Variants in PPP2R5C observed in about 807,000 individuals in gnomAD.
PPP2R5C encodes the protein protein phosphatase 2 regulatory subunit B'gamma.
A neutral mutation model predicts 68.9 loss-of-function variants in PPP2R5C; 7 were observed. That is an observed-to-expected ratio of 0.10 (90% CI 0.06 to 0.19). PPP2R5C has a LOEUF of 0.19. Among genes scored for constraint, PPP2R5C ranks in the 10% least tolerant of loss-of-function variants. The probability of loss-of-function intolerance (pLI) is 1.00; values close to 1 mark genes in which losing one functional copy is unlikely to be tolerated. For synonymous variants in PPP2R5C, 210 were observed against 222.2 expected (o/e 0.95, Z 0.49); for missense variants, 348 against 641.3 (o/e 0.54, Z 4.94).
At chr14:101,848,813 A>C (rs2041988558) in intron 1 of PPP2R5C, among the ~76,000 whole-genome samples, 1 of 152,158 alleles carries the variant, frequency 6.6e-6, no homozygotes, top group Non-Finnish European at 1.5e-5. Flanking sequence ...TTCCATTTTC[A>C]TTTTTTAGCC....
chr14:101,891,060 C>T lies in PPP2R5C; in HGVS notation c.689+764C>T, dbSNP rs2044864957. On this transcript the variant is annotated intron_variant, in intron 6 of 13. Transcript: ENST00000334743. This position sits in a 1 kb window ranked among gnomAD's most constrained non-coding sequence, Gnocchi z 4.9. The stretch of plus-strand genomic sequence containing the variant: ...GTGCTGAGATTACAGGCATGAGCCA[C>T]CACGCCCGGCCACTTTTATTTAATT... Among the ~76,000 whole-genome samples, 1 of 152,158 alleles carries T rather than the reference C, an allele frequency of 6.6e-6. No homozygotes were observed. The highest frequency in any genetic ancestry group is 2.4e-5 in the African/African-American group (1 of 41,438).
chr14:101,761,687 T>TGCCGCCGCCGCCGCCGCCGCCGCC (rs1172580916), upstream of PPP2R5C: 3 of 219,766 alleles, frequency 1.4e-5, no homozygotes, highest in African/African-American at 8.3e-5. Context: ...ACGCCGCCGC[T>TGCCGCCGCCGCCGCCGCCGCCGCC]GCCGCCGCCG....
intron 2 of PPP2R5C, among the ~76,000 whole-genome samples, chr14:101,768,657 C>T (rs928680750): frequency 6.6e-6 from 1 of 152,062 alleles, no homozygotes; most frequent in Non-Finnish European, 1.5e-5. Context: ...AAAAACTCCC[C>T]ATAATGACGC....
At chr14:101,851,779 A>G (rs907999041) in intron 1 of PPP2R5C, among the ~76,000 whole-genome samples, 25 of 152,042 alleles carry the variant, frequency 1.6e-4, no homozygotes, top group African/African-American at 5.1e-4. Context: ...TCTTTTGACC[A>G]CCAAGACTTT....
Position 101,877,155 on chromosome 14 carries a change from G to C in PPP2R5C, c.295-5006G>C, listed in dbSNP as rs1001622238. ...GTGGAGATGGGGTTTCACCATGTTG[G>C]CTAGGCTGCTCTTGAACTCTTGACC... On this transcript the variant is annotated intron_variant, in intron 2 of 13. Transcript: ENST00000334743. The surrounding 1 kb of genome is among the most constrained non-coding windows in gnomAD (Gnocchi z 4.2). 4.6e-5 allele frequency among the ~76,000 whole-genome samples: 7 copies of C among 151,938 alleles called. No individual in the cohort carries two copies. The highest frequency in any genetic ancestry group is 1.0e-4 in the Non-Finnish European group (7 of 67,978).
chr14:101,774,797 T>C (rs552449922), intron 2 of PPP2R5C, among the ~76,000 whole-genome samples: 1 of 152,338 alleles, frequency 6.6e-6, no homozygotes, highest in South Asian at 2.1e-4. Flanking sequence ...CTTCCTCTCA[T>C]CCAGAAATTG....
exon 14 of PPP2R5C, chr14:101,925,233 C>G (rs2047233774): frequency 6.2e-7 from 1 of 1,613,668 alleles, no homozygotes; most frequent in African/African-American, 1.3e-5. Flanking sequence ...TGGAAGCTCA[C>G]TGCAGGGCCG....
At chr14:101,922,953 G>A (rs1257611951) in intron 13 of PPP2R5C, among the ~76,000 whole-genome samples, 1 of 152,198 alleles carries the variant, frequency 6.6e-6, no homozygotes. Flanking sequence ...TATGCCCAAT[G>A]CCTGGTGTGC....
At chr14:101,848,792 C>T (rs2041987363) in intron 1 of PPP2R5C, among the ~76,000 whole-genome samples, 1 of 152,192 alleles carries the variant, frequency 6.6e-6, no homozygotes. Context: ...ACTCACGTCT[C>T]ACTAGGTTCT....
At chr14:101,774,691 C>T (rs2037327747) in intron 2 of PPP2R5C, among the ~76,000 whole-genome samples, 1 of 152,204 alleles carries the variant, frequency 6.6e-6, no homozygotes. Flanking sequence ...TTGCCTCTTC[C>T]TTCACTCTCA....
chr14:101,760,741 TGGTCGAGGGGA>T, upstream of PPP2R5C: 3 of 344,214 alleles, frequency 8.7e-6, no homozygotes, highest in Non-Finnish European at 1.0e-5. Flanking sequence ...GGGGAGGGGC[TGGTCGAGGGGA>T]GGGGCTGGTC....
In PPP2R5C at chr14:101,781,826, C is replaced by T. The variant is rs2037712034; in HGVS notation, c.94-4192C>T. ...GCGCTCTCCCGTTTCCTTTCCGTCC[C>T]GTCTCGGGGGCTTCATCCTCCAGCC... On this transcript the variant is annotated intron_variant, in intron 2 of 14. Transcript: ENST00000328724. This position sits in a 1 kb window ranked among gnomAD's most constrained non-coding sequence, Gnocchi z 6.4. 6.6e-6 allele frequency among the ~76,000 whole-genome samples: 1 copy of T among 151,880 alleles called. No homozygotes were observed. The highest frequency in any genetic ancestry group is 2.1e-4 in the South Asian group (1 of 4,814).
intron 3 of PPP2R5C, among the ~76,000 whole-genome samples, chr14:101,789,152 C>G (rs529998890): frequency 6.6e-6 from 1 of 152,190 alleles, no homozygotes; most frequent in Non-Finnish European, 1.5e-5. Flanking sequence ...GCAATAGATT[C>G]TTTTATCTCT....
chr14:101,919,969 C>CAAAAAAAAAAAAA (rs34641396), intron 13 of PPP2R5C, among the ~76,000 whole-genome samples: 17 of 52,864 alleles, frequency 3.2e-4, no homozygotes, highest in African/African-American at 1.3e-3. Context: ...AACTCCGTCT[C>CAAAAAAAAAAAAA]AAAAAAAAAA....
upstream of PPP2R5C, among the ~76,000 whole-genome samples, chr14:101,760,998 G>A (rs1175793402): frequency 1.5e-3 from 163 of 111,838 alleles, 1 homozygote; most frequent in African/African-American, 5.5e-3. Flanking sequence ...GGGACGGGCT[G>A]GTCGAGAGAA....
intron 10 of PPP2R5C, among the ~76,000 whole-genome samples, chr14:101,908,090 CCA>C (rs2046162576): frequency 6.6e-6 from 1 of 152,234 alleles, no homozygotes; most frequent in Admixed American, 6.5e-5. Flanking sequence ...TCTTTCTTAG[CCA>C]CAGTTTCTCT....
chr14:101,767,254 C>T (rs1471372051), intron 2 of PPP2R5C, among the ~76,000 whole-genome samples: 1 of 152,206 alleles, frequency 6.6e-6, no homozygotes, highest in African/African-American at 2.4e-5. Flanking sequence ...GGGAGACTGA[C>T]AGTCGCCTCA....
intron 2 of PPP2R5C, among the ~76,000 whole-genome samples, chr14:101,764,118 C>T (rs2036728135): frequency 6.6e-6 from 1 of 152,206 alleles, no homozygotes; most frequent in South Asian, 2.1e-4. Flanking sequence ...GCCAAGTGAG[C>T]ATTGCATCTA....
chr14:101,774,748 G>A (rs1366118341), intron 2 of PPP2R5C, among the ~76,000 whole-genome samples: 1 of 152,136 alleles, frequency 6.6e-6, no homozygotes, highest in African/African-American at 2.4e-5. Context: ...GTGCATCATC[G>A]ACCTTGATCA....
Sources: gnomAD v4.1 joint callset for allele counts (sites outside exome capture counted in the v4.1 genomes callset) on GRCh38, gnomAD v4.1.1 for gene constraint, Gnocchi (gnomAD v3.1) non-coding constraint, MANE v1.5 for transcripts, NCBI Gene and HGNC (gene_info 2026-07-23, HGNC 2026-07-21) for gene names.